Variants in LDLRAD3 observed in about 807,000 individuals in gnomAD.
LDLRAD3 encodes the protein low density lipoprotein receptor class A domain containing 3.
LDLRAD3 carries 20 observed loss-of-function variants against 29.4 expected under a neutral mutation model. That is an observed-to-expected ratio of 0.68 (90% CI 0.48 to 0.99). LDLRAD3 has a LOEUF of 0.99. Ranked by LOEUF, LDLRAD3 falls within the 50% of genes least tolerant of loss-of-function variation. The pLI is 0.00. For synonymous variants in LDLRAD3, 157 were observed against 192.7 expected (o/e 0.81, Z 1.53); for missense variants, 420 against 454.3 (o/e 0.92, Z 0.69).
chr11:36,094,375 A>G lies in LDLRAD3; in HGVS notation c.320-3952A>G, dbSNP rs182216825. On this transcript the variant is annotated intron_variant, in intron 3 of 5. Transcript: ENST00000315571. ...TTGTCTGTGGCTGCTTTGTGACACA[A>G]TGGCAAGGTTGAGTCATTACAACAG... 5.3e-5 allele frequency among the ~76,000 whole-genome samples: 8 copies of G among 152,352 alleles called. No homozygotes were observed. The East Asian group carries it at 1.5e-3, about 29-fold the overall frequency.
chr11:36,105,557 A>C (rs1853517276), intron 4 of LDLRAD3, among the ~76,000 whole-genome samples: 1 of 152,140 alleles, frequency 6.6e-6, no homozygotes, highest in Admixed American at 6.5e-5. Context: ...GTGGGGCTCT[A>C]ATCTGATATG....
chr11:36,163,787 T>A (rs1854477637), intron 4 of LDLRAD3, among the ~76,000 whole-genome samples: 1 of 151,786 alleles, frequency 6.6e-6, no homozygotes, highest in African/African-American at 2.4e-5. Flanking sequence ...AAGAAAAGCT[T>A]TAGATTTGAT....
chr11:36,038,742 T>C (rs1455942312), intron 2 of LDLRAD3, among the ~76,000 whole-genome samples: 1 of 152,212 alleles, frequency 6.6e-6, no homozygotes, highest in African/African-American at 2.4e-5. Flanking sequence ...CCTGACTTCC[T>C]ACCCTTAACC....
At position 36,086,475 on chromosome 11, in the gene LDLRAD3, C is replaced by A. The variant is rs183539632; in HGVS notation, c.319+4697C>A. The stretch of plus-strand genomic sequence containing the variant: ...GCCCTCTGTGGGCTATGGTTACAAT[C>A]GTTTTCACGCTGTTTTTGCAATGCT... On this transcript the variant is annotated intron_variant, in intron 3 of 5. Transcript: ENST00000315571. Among the ~76,000 whole-genome samples, 279 of 152,298 alleles carry A rather than the reference C, an allele frequency of 1.8e-3. 8 individuals carry two copies. The highest frequency in any genetic ancestry group is 0.017 in the Admixed American group (260 of 15,294).
intron 2 of LDLRAD3, among the ~76,000 whole-genome samples, chr11:36,048,614 C>T (rs536943327): frequency 6.6e-6 from 1 of 152,294 alleles, no homozygotes; most frequent in African/African-American, 2.4e-5. Flanking sequence ...GACTAAATCC[C>T]CCAGTTCTTA....
At chr11:36,085,057 GTCT>G (rs1183645145) in intron 3 of LDLRAD3, among the ~76,000 whole-genome samples, 6 of 152,274 alleles carry the variant, frequency 3.9e-5, no homozygotes, top group Admixed American at 2.6e-4. Context: ...ATATTGCCAA[GTCT>G]TCTTCTAGTA....
intron 4 of LDLRAD3, among the ~76,000 whole-genome samples, chr11:36,130,456 AAAGGTTCGGAAGGAAGTTTGGAG>A (rs1853909264): frequency 1.3e-5 from 2 of 152,196 alleles, no homozygotes; most frequent in Admixed American, 6.6e-5. Flanking sequence ...GAGGCCATCA[AAAGGTTCGGAAGGAAGTTTGGAG>A]GGCAGAAGGC....
intron 2 of LDLRAD3, among the ~76,000 whole-genome samples, chr11:36,037,779 C>T (rs1852323564): frequency 6.6e-6 from 1 of 152,216 alleles, no homozygotes; most frequent in Non-Finnish European, 1.5e-5. Context: ...GTGCCTGCTC[C>T]TGCCCTTCAG....
intron 1 of LDLRAD3, among the ~76,000 whole-genome samples, chr11:35,979,196 G>A (rs980209498): frequency 2.6e-5 from 4 of 152,184 alleles, no homozygotes; most frequent in Non-Finnish European, 5.9e-5. Flanking sequence ...AAACAGGCAT[G>A]TGGTTTTTCC....
At chr11:35,967,157 TG>T in intron 1 of LDLRAD3, 1 of 192,870 alleles carries the variant, frequency 5.2e-6, no homozygotes. Context: ...CTGGGCCTGC[TG>T]GGCTTCCCTT....
In LDLRAD3 at chr11:36,169,672, A is replaced by G. The variant is rs149690277; in HGVS notation, c.455-57413A>G. Among the ~76,000 whole-genome samples the G allele has an allele frequency of 4.4e-3, 664 of 152,298 alleles. 14 individuals carry two copies. The highest frequency in any genetic ancestry group is 1.4e-3 in the Non-Finnish European group (95 of 68,012). Reference sequence around the variant, plus strand: ...GGCTAAATAGTATTCCATTATGTATACATACCACATTTTCTTTATCTATTC... The same window carrying G: ...GGCTAAATAGTATTCCATTATGTATGCATACCACATTTTCTTTATCTATTC... On this transcript the variant is annotated intron_variant, in intron 4 of 5. Coordinates refer to ENST00000315571, the MANE Select transcript of LDLRAD3 (RefSeq NM_174902.4).
At chr11:36,095,666 T>G (rs1285753647) in intron 3 of LDLRAD3, among the ~76,000 whole-genome samples, 1 of 152,168 alleles carries the variant, frequency 6.6e-6, no homozygotes, top group Non-Finnish European at 1.5e-5. Flanking sequence ...CTTGGAAAGT[T>G]TGAGAGGTTG....
Position 36,125,264 on chromosome 11 carries a change from A to G in LDLRAD3, c.454+26803A>G, listed in dbSNP as rs117045124. 4.9e-3 allele frequency among the ~76,000 whole-genome samples: 742 copies of G among 152,260 alleles called. 23 individuals carry two copies. In the East Asian group the frequency reaches 0.071, roughly 14 times the overall value. The stretch of plus-strand genomic sequence containing the variant: ...ACACAGAGGCAGTAGAGTGCATTAG[A>G]GCATGGTCTCTGAAAGCAACTTCCC... On this transcript the variant is annotated intron_variant, in intron 4 of 5. Transcript: ENST00000315571.
chr11:36,227,180 GTGCTGGTGGTGGCCCTGCTGGCAC>G lies in LDLRAD3; in HGVS notation c.553_576del (p.Leu185_Leu192del). 6.2e-7 allele frequency: 1 copy of G among 1,614,072 alleles called. No homozygotes were observed. Among genetic ancestry groups the G allele is most frequent in the Non-Finnish European group, 8.5e-7 (1 of 1,179,990 alleles). On this transcript the variant is annotated inframe_deletion, in exon 5 of 6. Transcript: ENST00000315571. ...CATCATCGGCAGCTCCGTCATTTTT[GTGCTGGTGGTGGCCCTGCTGGCAC>G]TGGTCTTGCACCACCAGCGGAAGCG...
intron 4 of LDLRAD3, among the ~76,000 whole-genome samples, chr11:36,165,976 CCCTTCCTTCCTTCCTT>C (rs1242167369): frequency 9.9e-6 from 1 of 101,406 alleles, no homozygotes; most frequent in Non-Finnish European, 1.9e-5. Flanking sequence ...CTCCCTCCCT[CCCTTCCTTCCTTCCTT>C]CCTTCCTTCC....
At chr11:35,970,798 C>G (rs1229082260) in intron 1 of LDLRAD3, among the ~76,000 whole-genome samples, 1 of 152,188 alleles carries the variant, frequency 6.6e-6, no homozygotes, top group Non-Finnish European at 1.5e-5. Flanking sequence ...TGCTGGGTAT[C>G]TAGGACATCT....
At chr11:35,990,869 C>T (rs1590710276) in intron 1 of LDLRAD3, among the ~76,000 whole-genome samples, 1 of 152,174 alleles carries the variant, frequency 6.6e-6, no homozygotes, top group East Asian at 1.9e-4. Context: ...CAATTGAGGT[C>T]ACATTCAGAG....
intron 4 of LDLRAD3, among the ~76,000 whole-genome samples, chr11:36,203,651 G>A (rs872534): frequency 0.065 from 9,909 of 152,272 alleles, 426 homozygotes; most frequent in East Asian, 0.17. Flanking sequence ...TTGGATACTT[G>A]CAAAGAACTT....
chr11:36,072,755 A>T (rs1422951279), intron 2 of LDLRAD3, among the ~76,000 whole-genome samples: 1 of 152,162 alleles, frequency 6.6e-6, no homozygotes, highest in African/African-American at 2.4e-5. Context: ...TTAGTTACTG[A>T]GTGCACCTAT....
Sources: gnomAD v4.1 joint callset for allele counts (sites outside exome capture counted in the v4.1 genomes callset) on GRCh38, gnomAD v4.1.1 for gene constraint, MANE v1.5 for transcripts, NCBI Gene and HGNC (gene_info 2026-07-23, HGNC 2026-07-21) for gene names.